CTNNA3: variants seen among roughly 807,000 people sequenced by gnomAD.
CTNNA3 encodes catenin alpha-3.
CTNNA3 carries 76 observed loss-of-function variants against 95.7 expected under a neutral mutation model. The ratio of observed to expected loss-of-function variants is 0.79; its 90% CI spans 0.66 to 0.96. The LOEUF (loss-of-function observed/expected upper bound fraction) is 0.96, where lower values mean the gene tolerates loss of function less well. CTNNA3 is among the 40% of genes least tolerant of loss of function. CTNNA3 has a pLI of 0.00. For synonymous variants in CTNNA3, 431 were observed against 374.4 expected (o/e 1.15, Z -1.74); for missense variants, 1,191 against 1,089.8 (o/e 1.09, Z -1.31).
chr10:66,277,674 G>A (rs995542367), intron 13 of CTNNA3, among the ~76,000 whole-genome samples: 3 of 152,112 alleles, frequency 2.0e-5, no homozygotes, highest in Non-Finnish European at 4.4e-5. Context: ...TGTAGAAGTC[G>A]TGTAGAGGTT....
chr10:66,978,066 A>C (rs1850159491), intron 7 of CTNNA3, among the ~76,000 whole-genome samples: 2 of 4,188 alleles, frequency 4.8e-4, no homozygotes, highest in Admixed American at 0.011. Flanking sequence ...ATATATATAT[A>C]TACACACACA....
At chr10:66,254,275 C>T (rs2090672605) in intron 13 of CTNNA3, among the ~76,000 whole-genome samples, 2 of 152,188 alleles carry the variant, frequency 1.3e-5, no homozygotes, top group Non-Finnish European at 2.9e-5. Context: ...CAAAAGCATG[C>T]ATCTGGTACC....
chr10:67,307,112 C>T (rs976235882), intron 5 of CTNNA3, among the ~76,000 whole-genome samples: 23 of 152,186 alleles, frequency 1.5e-4, no homozygotes, highest in Non-Finnish European at 3.1e-4. Flanking sequence ...TTAACAGACA[C>T]ATGGCTGTTA....
chr10:67,373,567 G>A (rs1012996801), intron 5 of CTNNA3, among the ~76,000 whole-genome samples: 3 of 152,096 alleles, frequency 2.0e-5, no homozygotes, highest in East Asian at 1.9e-4. Flanking sequence ...ACAGATCCAT[G>A]AGACAGAAAG....
At chr10:66,834,797 A>G (rs1842835202) in intron 7 of CTNNA3, among the ~76,000 whole-genome samples, 2 of 152,320 alleles carry the variant, frequency 1.3e-5, no homozygotes, top group South Asian at 4.1e-4. Flanking sequence ...TCAAACCACT[A>G]AACACTTTAA....
chr10:66,795,189 T>G (rs1289127150), intron 7 of CTNNA3, among the ~76,000 whole-genome samples: 1 of 152,158 alleles, frequency 6.6e-6, no homozygotes, highest in Non-Finnish European at 1.5e-5. Flanking sequence ...TTCAATTAAC[T>G]TTGCCCAGAT....
intron 7 of CTNNA3, among the ~76,000 whole-genome samples, chr10:67,178,216 G>A (rs1358344876): frequency 6.6e-6 from 1 of 152,104 alleles, no homozygotes; most frequent in African/African-American, 2.4e-5. Context: ...ATTTGGTGGG[G>A]CCACAGATGC....
intron 11 of CTNNA3, among the ~76,000 whole-genome samples, chr10:66,478,705 A>G (rs1469476778): frequency 4.6e-5 from 7 of 151,882 alleles, no homozygotes; most frequent in Non-Finnish European, 4.4e-5. Context: ...TAATGTAATT[A>G]AAATAAATTT....
intron 12 of CTNNA3, among the ~76,000 whole-genome samples, chr10:66,344,513 G>A (rs1417573766): frequency 2.0e-5 from 3 of 151,700 alleles, no homozygotes; most frequent in Non-Finnish European, 4.4e-5. Context: ...GTGATCCGTC[G>A]GCTTTGGCCA....
intron 10 of CTNNA3, among the ~76,000 whole-genome samples, chr10:66,610,374 A>AGGT (rs1844286687): frequency 6.6e-6 from 1 of 152,138 alleles, no homozygotes; most frequent in Non-Finnish European, 1.5e-5. Flanking sequence ...ATTTTAGGTT[A>AGGT]GGTGGATGGT....
chr10:67,200,699 C>T (rs1359517568), intron 6 of CTNNA3, among the ~76,000 whole-genome samples: 2 of 152,160 alleles, frequency 1.3e-5, no homozygotes, highest in Non-Finnish European at 2.9e-5. Context: ...TACTGCTCAG[C>T]CTACTGCCCT....
chr10:67,226,449 A>G (rs1864918433), intron 5 of CTNNA3, among the ~76,000 whole-genome samples: 1 of 152,212 alleles, frequency 6.6e-6, no homozygotes, highest in South Asian at 2.1e-4. Context: ...AAGATGAAGG[A>G]AAGAATCTTA....
chr10:66,985,850 C>T (rs1850699752), intron 7 of CTNNA3, among the ~76,000 whole-genome samples: 1 of 152,196 alleles, frequency 6.6e-6, no homozygotes, highest in Non-Finnish European at 1.5e-5. Flanking sequence ...GCCTCAGCCT[C>T]CCAAGTAACT....
At chr10:67,750,309 C>T in intron 1 of CTNNA3, 4 of 1,525,116 alleles carry the variant, frequency 2.6e-6, no homozygotes, top group South Asian at 1.1e-5. Flanking sequence ...GAGCTCAATA[C>T]CAAAGCCAAG....
chr10:66,067,967 C>T (rs906838157), intron 15 of CTNNA3, among the ~76,000 whole-genome samples: 3 of 151,808 alleles, frequency 2.0e-5, no homozygotes, highest in Non-Finnish European at 2.9e-5. Flanking sequence ...GGATAGGTTC[C>T]CTGAAGTATA....
chr10:66,721,800 C>T (rs1390396769), intron 9 of CTNNA3, among the ~76,000 whole-genome samples: 1 of 152,150 alleles, frequency 6.6e-6, no homozygotes, highest in Non-Finnish European at 1.5e-5. Flanking sequence ...TTACTGAATT[C>T]CCAGTAAGGT....
At position 67,190,954 on chromosome 10, in the gene CTNNA3, T is replaced by G. The variant is rs556272938; in HGVS notation, c.844-10434A>C. 5.9e-5 allele frequency among the ~76,000 whole-genome samples: 9 copies of G among 152,100 alleles called. No individual in the cohort carries two copies. The East Asian group carries it at 1.7e-3, about 29-fold the overall frequency. ...CAATGACCTTAACAGATAATTCACT[T>G]AAACATATATACAGATAGAAAATAA... On this transcript the variant is annotated intron_variant, in intron 6 of 17. Coordinates refer to ENST00000433211, the MANE Select transcript of CTNNA3 (RefSeq NM_013266.4).
chr10:66,492,019 A>G (rs1839940907), intron 11 of CTNNA3, among the ~76,000 whole-genome samples: 1 of 152,118 alleles, frequency 6.6e-6, no homozygotes, highest in African/African-American at 2.4e-5. Flanking sequence ...CCCTCTGTAC[A>G]TATGAACACT....
intron 1 of CTNNA3, among the ~76,000 whole-genome samples, chr10:67,661,376 G>A (rs1181225524): frequency 6.6e-6 from 1 of 152,038 alleles, no homozygotes; most frequent in Admixed American, 6.6e-5. Context: ...GGGAGGGAAT[G>A]TTGGCCCTTT....
Sources: gnomAD v4.1 joint callset for allele counts (sites outside exome capture counted in the v4.1 genomes callset) on GRCh38, gnomAD v4.1.1 for gene constraint, MANE v1.5 for transcripts, NCBI Gene and HGNC (gene_info 2026-07-23, HGNC 2026-07-21) for gene names.